The following ULK1 variants were observed in gnomAD, a reference collection of about 807,000 sequenced individuals.
ULK1 encodes unc-51 like autophagy activating kinase 1.
A neutral mutation model predicts 117.5 loss-of-function variants in ULK1; 48 were observed. The ratio of observed to expected loss-of-function variants is 0.41; its 90% CI spans 0.32 to 0.52. The LOEUF is 0.52. Ranked by LOEUF, ULK1 falls within the 20% of genes least tolerant of loss-of-function variation. ULK1 has a pLI of 0.29. For synonymous variants in ULK1, 790 were observed against 637.8 expected, an observed-to-expected ratio of 1.24 and a Z score of -3.60; for missense variants, 1,387 against 1,473.4, an observed-to-expected ratio of 0.94 and a Z score of 0.96.
In ULK1 at chr12:131,915,374, C is replaced by G. The variant is rs1293184011; in HGVS notation, c.1562C>G (p.Pro521Arg). The G allele has an allele frequency of 6.2e-7, 1 of 1,612,692 alleles. No homozygotes were observed. The highest frequency in any genetic ancestry group is 8.5e-7 in the Non-Finnish European group (1 of 1,179,990). ...IPERPGWSGT[P>R]SPQGAEMRGG... ...GAGCGGCCAGGCTGGAGCGGGACGC[C>G]CTCCCCACAGGGAGCTGAGATGCGG... The change falls in exon 18 of 28, where the codon CCC becomes CGC. Residue 521 changes from proline (P) to arginine (R), a missense_variant. Pro to Arg is a moderately radical substitution (Grantham distance 103, BLOSUM62 -2). Around this residue, in one of 4 missense-constraint regions of ULK1, gnomAD observed 900 missense variants for 858.9 expected, o/e 1.05. Coordinates refer to ENST00000321867, the MANE Select transcript of ULK1 (RefSeq NM_003565.4).
chr12:131,922,456 TC>T lies in ULK1; in HGVS notation c.*1096del. 2 of 183,220 alleles carry T rather than the reference TC, an allele frequency of 1.1e-5. No homozygotes were observed. Among genetic ancestry groups the T allele is most frequent in the Admixed American group, 5.8e-5 (1 of 17,352 alleles). 11.3% of individuals were successfully genotyped at this position (183,220 alleles called of 1,614,324 possible). The stretch of plus-strand genomic sequence containing the variant: ...AAAGCTCCCCGTCCAGCTTTGACAG[TC>T]AGTTTTGATGTCAGCTCCTCGGCAG... On this transcript the variant is annotated 3_prime_UTR_variant, in exon 28 of 28. Coordinates refer to ENST00000321867, the MANE Select transcript of ULK1 (RefSeq NM_003565.4).
rs530040436 is a variant in ULK1, at chr12:131,916,322, C to T, written c.1879-76C>T. The T allele has an allele frequency of 5.8e-4, 880 of 1,518,050 alleles. 3 individuals carry two copies. The highest frequency in any genetic ancestry group is 2.7e-3 in the Middle Eastern group (15 of 5,660). 94.0% of individuals were successfully genotyped at this position (1,518,050 alleles called of 1,614,324 possible). A position where few individuals can be genotyped will look rare whatever the true frequency, so the allele number is the denominator to read the frequency against. ...ACATGCCTGCCAGTTCCTGCGGACT[C>T]GGCCCCTTCCCCAGGCACCGGGCCC... On this transcript the variant is annotated intron_variant, in intron 19 of 27. Transcript: ENST00000321867.
rs1410506940 is a variant in ULK1, at chr12:131,902,022, T to C, written c.247-4870T>C. Among the ~76,000 whole-genome samples the C allele has an allele frequency of 6.6e-6, 1 of 152,132 alleles. No homozygotes were observed. The highest frequency in any genetic ancestry group is 1.5e-5 in the Non-Finnish European group (1 of 67,994). ...CAACCCCCTGCGGCTGGCTCCCGGA[T>C]TGTCCAGACCCCCAGGCCCAGCAGG... On this transcript the variant is annotated intron_variant, in intron 3 of 27. Transcript: ENST00000321867. The surrounding 1 kb of genome is among the most constrained non-coding windows in gnomAD (Gnocchi z 6.3).
intron 14 of ULK1, 123 bp from the exon 15 acceptor site, chr12:131,913,624 G>A (rs1249662404): frequency 3.0e-6 from 2 of 664,962 alleles, no homozygotes; most frequent in Non-Finnish European, 4.7e-6. Flanking sequence ...AGAATCGCTT[G>A]AACCCAGGAA....
chr12:131,909,596 G>T (rs896609379), intron 8 of ULK1, among the ~76,000 whole-genome samples, 179 bp from the exon 9 acceptor site: 3 of 152,080 alleles, frequency 2.0e-5, no homozygotes, highest in African/African-American at 7.2e-5. Context: ...GACCGTCGGC[G>T]CCCCCTCCCC....
At chr12:131,920,206 G>T in intron 26 of ULK1, 70 bp downstream of exon 26, 2 of 1,553,840 alleles carry the variant, frequency 1.3e-6, no homozygotes, top group South Asian at 1.2e-5. Flanking sequence ...CACTGGGACG[G>T]GACCTTGATG....
At position 131,919,941 on chromosome 12, in the gene ULK1, C is replaced by G. The variant is rs754365317; in HGVS notation, c.2804-38C>G. On this transcript the variant is annotated intron_variant, in intron 25 of 27. Transcript: ENST00000321867. ...TGGCCACTCCAGCCCTGCCCCGTGT[C>G]TGCTGCACCCTGAGCTGACCACCCT... 8 of 1,600,392 alleles carry G rather than the reference C, an allele frequency of 5.0e-6. No homozygotes were observed. In the East Asian group the frequency reaches 1.6e-4, roughly 31 times the overall value.
chr12:131,909,894 T>C (rs1461342717), intron 9 of ULK1, 25 bp from the exon 10 acceptor site: 2 of 1,611,472 alleles, frequency 1.2e-6, no homozygotes, highest in Non-Finnish European at 1.7e-6. Context: ...CAGGCCCTGC[T>C]CACACCAGCC....
chr12:131,920,558 C>G lies in ULK1; in HGVS notation c.2961+422C>G, dbSNP rs1253635438. On this transcript the variant is annotated intron_variant, in intron 26 of 27. Transcript: ENST00000321867. ...TCCCTCTGCCTCTGAGGTGGTGCCC[C>G]CTTTTCGTTTATTTTTTGTTGTTTT... The G allele has an allele frequency of 2.4e-5, 5 of 206,996 alleles. No individual in the cohort carries two copies. The South Asian group carries it at 4.6e-4, about 19-fold the overall frequency. The allele number at this position is 206,996 out of a possible 1,614,324, so 12.8% of individuals were successfully genotyped here. A position where few individuals can be genotyped will look rare whatever the true frequency, so the allele number is the denominator to read the frequency against.
chr12:131,906,127 T>A (rs1327847346), intron 3 of ULK1, among the ~76,000 whole-genome samples: 1 of 151,712 alleles, frequency 6.6e-6, no homozygotes, highest in Non-Finnish European at 1.5e-5. Context: ...GGAGTCTCAC[T>A]CTCTCGCCCA....
In ULK1 at chr12:131,916,934, G is replaced by A. The variant is rs531186240; in HGVS notation, c.2073-19G>A. ...TGGGGTGGGCCGGGCACCCAGCACA[G>A]CCCTGCACACTCCCACAGGTCTTTC... On this transcript the variant is annotated intron_variant, in intron 20 of 27. Transcript: ENST00000321867. 2 of 1,604,246 alleles carry A rather than the reference G, an allele frequency of 1.2e-6. No homozygotes were observed. The highest frequency in any genetic ancestry group is 1.1e-5 in the South Asian group (1 of 89,744).
In ULK1 at chr12:131,919,299, G is replaced by T; in HGVS notation, c.2599G>T (p.Ala867Ser). Residue 867 changes from alanine (A) to serine (S), a missense_variant, in exon 24 of 28, where the codon GCC becomes TCC. Ala to Ser is a moderately conservative substitution (Grantham distance 99). Coordinates refer to ENST00000321867, the MANE Select transcript of ULK1 (RefSeq NM_003565.4). ...VLEIAALKGS[A>S]SEAAGGPEYQ... The stretch of plus-strand genomic sequence containing the variant: ...GGAGATCGCAGCCCTGAAGGGCAGC[G>T]CCAGTGAGGCGGCGGGGGGCCCTGA... 6.3e-7 allele frequency: 1 copy of T among 1,594,744 alleles called. No individual in the cohort carries two copies.
chr12:131,913,704 A>G (rs755896340), intron 14 of ULK1, 43 bp from the exon 15 acceptor site: 3 of 1,352,072 alleles, frequency 2.2e-6, no homozygotes, highest in South Asian at 1.6e-5. Flanking sequence ...GACTGCCCCA[A>G]AAAAAACAAA....
At chr12:131,916,642 C>A in intron 20 of ULK1, 51 bp downstream of exon 20, 1 of 1,476,494 alleles carries the variant, frequency 6.8e-7, no homozygotes, top group Non-Finnish European at 8.9e-7. Context: ...CAGCCTCTTT[C>A]CCCTGCATTG....
In ULK1 at chr12:131,908,771, C is replaced by T. The variant is rs1889386049; in HGVS notation, c.444C>T (p.Asn148=). The T allele has an allele frequency of 6.2e-6, 10 of 1,607,834 alleles. No individual in the cohort carries two copies. The highest frequency in any genetic ancestry group is 3.3e-5 in the South Asian group (3 of 90,798). Residue 148 remains asparagine (N), a synonymous_variant, in exon 6 of 28, where the codon AAC becomes AAT. Transcript: ENST00000321867. ...DLKPQNILLS[N]PAGRRANPNS... ...AACCGCAGAACATCCTGCTGTCCAA[C>T]CCCGCCGGCCGCCGCGCCAACCCCA...
At chr12:131,904,424 G>A (rs7137541) in intron 3 of ULK1, among the ~76,000 whole-genome samples, 2,404 of 152,284 alleles carry the variant, frequency 0.016, 58 homozygotes, top group African/African-American at 0.052. Context: ...CTGGGATGAC[G>A]GGCATGAGCC....
chr12:131,905,057 G>A (rs1389547254), intron 3 of ULK1, among the ~76,000 whole-genome samples: 3 of 152,140 alleles, frequency 2.0e-5, no homozygotes, highest in Non-Finnish European at 4.4e-5. Context: ...TGGGTGGGGT[G>A]GGCTGAGGCC....
intron 5 of ULK1, among the ~76,000 whole-genome samples, chr12:131,907,996 C>T (rs1889346036): frequency 4.0e-5 from 2 of 49,826 alleles, no homozygotes; most frequent in South Asian, 1.3e-3. Context: ...TGCCGGCGGG[C>T]GCGGGGGTGG....
At chr12:131,919,647 A>G (rs1189961574) in intron 25 of ULK1, 57 bp downstream of exon 25, 3 of 1,576,992 alleles carry the variant, frequency 1.9e-6, no homozygotes, top group Non-Finnish European at 2.6e-6. Context: ...CCCACCTTGC[A>G]ACTGCCTGGG....
Sources: gnomAD v4.1 joint callset for allele counts (sites outside exome capture counted in the v4.1 genomes callset) on GRCh38, gnomAD v4.1.1 for gene constraint, gnomAD v4.1.1 regional missense constraint, Gnocchi (gnomAD v3.1) non-coding constraint, MANE v1.5 for transcripts, NCBI Gene and HGNC (gene_info 2026-07-23, HGNC 2026-07-21) for gene names.